NCAM2: variants seen among roughly 807,000 people sequenced by gnomAD.
The protein encoded by NCAM2 is N-CAM-2.
NCAM2 carries 30 observed loss-of-function variants against 98.1 expected under a neutral mutation model. The ratio of observed to expected loss-of-function variants is 0.31; its 90% confidence interval spans 0.23 to 0.41. The LOEUF (loss-of-function observed/expected upper bound fraction) is 0.41, where lower values mean the gene tolerates loss of function less well. Ranked by LOEUF, NCAM2 falls within the 10% of genes least tolerant of loss-of-function variation. NCAM2 has a pLI of 1.00. For synonymous variants in NCAM2, 368 were observed against 342.4 expected (o/e 1.07, Z -0.83); for missense variants, 867 against 1,005.8 (o/e 0.86, Z 1.87).
chr21:21,082,281 C>CAAAAAAAAAA (rs11384165), intron 1 of NCAM2, among the ~76,000 whole-genome samples: 6 of 127,854 alleles, frequency 4.7e-5, no homozygotes, highest in Non-Finnish European at 7.9e-5. Context: ...GAGCTCAAAA[C>CAAAAAAAAAA]AAAAAAAAAA....
intron 1 of NCAM2, among the ~76,000 whole-genome samples, chr21:21,103,873 A>G (rs1016534694): frequency 2.0e-5 from 3 of 152,134 alleles, no homozygotes; most frequent in African/African-American, 7.2e-5. Context: ...GATGAGAAAC[A>G]TGCAGAGTTT....
At position 21,480,366 on chromosome 21, in the gene NCAM2, C is replaced by CAAAAAAAAA. The variant is rs59203448; in HGVS notation, c.2077+2908_2077+2916dup. On this transcript the variant is annotated intron_variant, in intron 15 of 17. Coordinates refer to ENST00000400546, the MANE Select transcript of NCAM2 (RefSeq NM_004540.5). ...TGGGCGACAGAGCGAGACTCCATCTCAAAAAAAAAAAAAAAAAAAAAGAAT... is the reference window on the plus strand; with the variant it reads ...TGGGCGACAGAGCGAGACTCCATCTCAAAAAAAAAAAAAAAAAAAAAAAAAAAAAAGAAT... Among the ~76,000 whole-genome samples, 201 of 69,928 alleles carry CAAAAAAAAA rather than the reference C, an allele frequency of 2.9e-3. 3 individuals carry two copies. Among genetic ancestry groups the CAAAAAAAAA allele is most frequent in the African/African-American group, 0.011 (189 of 16,676 alleles). 45.9% of individuals were successfully genotyped at this position (69,928 alleles called of 152,430 possible).
intron 12 of NCAM2, among the ~76,000 whole-genome samples, chr21:21,461,959 A>T (rs894609336): frequency 2.6e-5 from 4 of 152,042 alleles, no homozygotes; most frequent in Admixed American, 6.6e-5. Flanking sequence ...ACAGTAAAAA[A>T]TTATTTTTAT....
intron 1 of NCAM2, among the ~76,000 whole-genome samples, chr21:21,202,799 CTT>C (rs200263530): frequency 0.017 from 2,598 of 152,166 alleles, 52 homozygotes; most frequent in Admixed American, 0.038. Context: ...AGTTCTCAAA[CTT>C]TTAACTTGCA....
intron 1 of NCAM2, among the ~76,000 whole-genome samples, chr21:21,197,799 A>G (rs1445110833): frequency 1.3e-5 from 2 of 152,070 alleles, no homozygotes; most frequent in African/African-American, 2.4e-5. Context: ...GAGCTGAGGG[A>G]TTTTCTAGGC....
At chr21:21,486,290 C>T (rs973143250) in intron 15 of NCAM2, among the ~76,000 whole-genome samples, 13 of 109,568 alleles carry the variant, frequency 1.2e-4, no homozygotes, top group Admixed American at 2.7e-4. Context: ...GGCAACAGAG[C>T]GAGACTCCGT....
chr21:21,301,907 A>G (rs1276937156), intron 5 of NCAM2, among the ~76,000 whole-genome samples: 1 of 146,494 alleles, frequency 6.8e-6, no homozygotes, highest in Admixed American at 6.9e-5. Context: ...CAAAACCACT[A>G]TGAGATATCA....
intron 1 of NCAM2, among the ~76,000 whole-genome samples, chr21:21,200,002 T>G (rs1219784978): frequency 1.3e-5 from 2 of 152,018 alleles, no homozygotes; most frequent in Admixed American, 1.3e-4. Flanking sequence ...CAAGATAATT[T>G]TTGCCACTCC....
chr21:21,441,761 GT>G (rs34738685), intron 12 of NCAM2, among the ~76,000 whole-genome samples: 36,583 of 152,052 alleles, frequency 0.24, 4,878 homozygotes, highest in East Asian at 0.36. Context: ...CCCAGGCAGA[GT>G]TAAGCTGCTA....
rs1569148029 is a variant in NCAM2 at position 21,538,951 on chromosome 21, C to T, written c.*994C>T. The T allele has an allele frequency of 6.6e-6, 1 of 151,834 alleles. No individual in the cohort carries two copies. The highest frequency in any genetic ancestry group is 1.5e-5 in the Non-Finnish European group (1 of 67,942). 9.4% of individuals were successfully genotyped at this position (151,834 alleles called of 1,614,324 possible). ...AATTTTACCACTGTTATAGGTTCAC[C>T]ATTAAATATAATTGGCTAATAAAAA... On this transcript the variant is annotated 3_prime_UTR_variant, in exon 18 of 18. Transcript: ENST00000400546.
At chr21:21,214,746 T>TATATATATATGTACAC (rs11268201) in intron 1 of NCAM2, among the ~76,000 whole-genome samples, 1 of 100,608 alleles carries the variant, frequency 9.9e-6, no homozygotes, top group East Asian at 2.7e-4. Context: ...TATATATATA[T>TATATATATATGTACAC]ACACTATATA....
At chr21:21,295,076 A>G (rs73320636) in intron 5 of NCAM2, among the ~76,000 whole-genome samples, 1 of 151,672 alleles carries the variant, frequency 6.6e-6, no homozygotes, top group African/African-American at 2.4e-5. Flanking sequence ...TCTTTCATTC[A>G]TCTTCTTCCA....
intron 1 of NCAM2, among the ~76,000 whole-genome samples, chr21:21,028,080 C>G (rs550638925): frequency 6.6e-6 from 1 of 152,230 alleles, no homozygotes; most frequent in South Asian, 2.1e-4. Context: ...TCAGGCTGGT[C>G]TGGAACTCCC....
At chr21:21,396,881 T>C (rs114917056) in intron 9 of NCAM2, among the ~76,000 whole-genome samples, 1,730 of 152,252 alleles carry the variant, frequency 0.011, 35 homozygotes, top group African/African-American at 0.039. Context: ...CCACAGCTCT[T>C]CTCTCCTTCT....
rs891312508 is a variant in NCAM2, at chr21:21,491,555, C to A, written c.2077+14084C>A. Reference sequence around the variant, plus strand: ...AGTAATATAAAAATTATTTAATTAGCTTTTATAGTGTAAAAATAATTTTTG... The same window carrying A: ...AGTAATATAAAAATTATTTAATTAGATTTTATAGTGTAAAAATAATTTTTG... On this transcript the variant is annotated intron_variant, in intron 15 of 17. Transcript: ENST00000400546. Among the ~76,000 whole-genome samples, 3 of 151,582 alleles carry A rather than the reference C, an allele frequency of 2.0e-5. No homozygotes were observed. In the East Asian group the frequency reaches 5.8e-4, roughly 29 times the overall value.
intron 16 of NCAM2, among the ~76,000 whole-genome samples, chr21:21,529,985 C>T (rs900287123): frequency 2.7e-5 from 4 of 148,716 alleles, no homozygotes; most frequent in African/African-American, 9.8e-5. Context: ...ATTAGCGTTT[C>T]CATAAGTAAC....
chr21:21,493,127 T>C (rs117084483), intron 15 of NCAM2, among the ~76,000 whole-genome samples: 1 of 152,064 alleles, frequency 6.6e-6, no homozygotes, highest in Non-Finnish European at 1.5e-5. Flanking sequence ...AAAGAAAGTT[T>C]AAGTGAACAG....
chr21:21,323,095 GCT>G (rs2147789470), intron 5 of NCAM2, among the ~76,000 whole-genome samples: 2 of 152,186 alleles, frequency 1.3e-5, no homozygotes, highest in South Asian at 4.1e-4. Flanking sequence ...GAGTAATACT[GCT>G]CTTGCAACTA....
At chr21:21,042,122 G>T (rs1454717744) in intron 1 of NCAM2, among the ~76,000 whole-genome samples, 5 of 152,140 alleles carry the variant, frequency 3.3e-5, no homozygotes, top group African/African-American at 7.2e-5. Flanking sequence ...TGGAAGATGG[G>T]TCAATCTGAC....
Sources: allele counts gnomAD v4.1 joint callset (sites outside exome capture counted in the v4.1 genomes callset), GRCh38; gene constraint gnomAD v4.1.1; transcripts MANE v1.5; gene names NCBI Gene and HGNC (gene_info 2026-07-23, HGNC 2026-07-21).